ATP10B: variants seen among roughly 807,000 people sequenced by gnomAD.
The protein encoded by ATP10B is ATPase phospholipid transporting 10B (putative).
In ATP10B, 122 loss-of-function variants were observed where a neutral mutation model predicts 141.2. The ratio of observed to expected loss-of-function variants is 0.86; its 90% CI spans 0.75 to 1.00. The LOEUF (loss-of-function observed/expected upper bound fraction) is 1.00, where lower values mean the gene tolerates loss of function less well. Among genes scored for constraint, ATP10B ranks in the 50% least tolerant of loss-of-function variants. The pLI is 0.00. For synonymous variants in ATP10B, 685 were observed against 692.0 expected (o/e 0.99, Z 0.16); for missense variants, 1,876 against 1,825.3 (o/e 1.03, Z -0.51).
At chr5:160,843,516 A>G (rs993731313) in intron 1 of ATP10B, among the ~76,000 whole-genome samples, 5 of 152,230 alleles carry the variant, frequency 3.3e-5, no homozygotes, top group African/African-American at 1.2e-4. Flanking sequence ...ACAAAAAAAA[A>G]AAGCTGTTAA....
intron 3 of ATP10B, among the ~76,000 whole-genome samples, chr5:160,690,462 C>G (rs940873607): frequency 2.2e-4 from 34 of 152,282 alleles, no homozygotes; most frequent in African/African-American, 8.2e-4. Flanking sequence ...ATGCATCTGA[C>G]AAAGGGCTAA....
At chr5:160,813,763 A>T (rs4521524) in intron 1 of ATP10B, among the ~76,000 whole-genome samples, 51,727 of 152,034 alleles carry the variant, frequency 0.34, 9,823 homozygotes, top group East Asian at 0.44. Context: ...CTCACACGGC[A>T]GGGTACTCCT....
At chr5:160,919,615 C>T in the ATP10B span, among the ~76,000 whole-genome samples, 4 of 152,172 alleles carry the variant, frequency 2.6e-5, no homozygotes, top group African/African-American at 9.7e-5. Context: ...AAAGATGATT[C>T]TGATTGCTGT....
intron 1 of ATP10B, among the ~76,000 whole-genome samples, chr5:160,832,109 CAAT>C (rs1248339563): frequency 7.6e-6 from 1 of 131,804 alleles, no homozygotes; most frequent in Non-Finnish European, 1.8e-5. Context: ...AGCAGTATAG[CAAT>C]AATAATCATA....
At chr5:160,584,898 C>T (rs560365602) in intron 24 of ATP10B, among the ~76,000 whole-genome samples, 4 of 152,242 alleles carry the variant, frequency 2.6e-5, no homozygotes, top group African/African-American at 9.6e-5. Flanking sequence ...CCATTGTCTC[C>T]TGGCTTTTAT....
intron 1 of ATP10B, among the ~76,000 whole-genome samples, chr5:160,807,051 G>A (rs1643962887): frequency 6.6e-6 from 1 of 152,122 alleles, no homozygotes; most frequent in Non-Finnish European, 1.5e-5. Context: ...AGAGAATCTA[G>A]CAATAAATTA....
intron 1 of ATP10B, 44 bp from the exon 2 acceptor site, chr5:160,785,847 CATTTT>C (rs1771108587): frequency 3.2e-6 from 1 of 316,042 alleles, no homozygotes; most frequent in Non-Finnish European, 5.7e-6. Flanking sequence ...TATACAATCT[CATTTT>C]AGTATCAGCA....
chr5:160,923,907 A>C, the ATP10B span, among the ~76,000 whole-genome samples: 3 of 152,362 alleles, frequency 2.0e-5, no homozygotes, highest in South Asian at 6.2e-4. Flanking sequence ...AAAATGCAAC[A>C]GGATTGGTGT....
intron 22 of ATP10B, among the ~76,000 whole-genome samples, chr5:160,592,186 TG>T (rs1756351169): frequency 1.3e-5 from 2 of 152,168 alleles, no homozygotes; most frequent in Admixed American, 1.3e-4. Context: ...CTAAAGCACA[TG>T]TAATTTTGAG....
chr5:160,676,442 C>A (rs1449711102), intron 6 of ATP10B, among the ~76,000 whole-genome samples: 1 of 152,190 alleles, frequency 6.6e-6, no homozygotes, highest in Non-Finnish European at 1.5e-5. Context: ...CATGACGGTG[C>A]ACATCTTGTT....
chr5:160,585,730 C>G (rs1755840613), intron 24 of ATP10B, among the ~76,000 whole-genome samples: 1 of 152,172 alleles, frequency 6.6e-6, no homozygotes, highest in African/African-American at 2.4e-5. Flanking sequence ...TCTGCCCTAC[C>G]CCGCAGGAGC....
intron 2 of ATP10B, among the ~76,000 whole-genome samples, chr5:160,740,288 T>G (rs536809543): frequency 6.6e-6 from 1 of 152,328 alleles, no homozygotes; most frequent in Admixed American, 6.5e-5. Flanking sequence ...TCATTTAGGG[T>G]CCACTGTCAA....
chr5:160,928,415 G>T, the ATP10B span, among the ~76,000 whole-genome samples: 1 of 152,126 alleles, frequency 6.6e-6, no homozygotes, highest in African/African-American at 2.4e-5. Context: ...CTGGAGAAAG[G>T]CTATTTACAA....
intron 7 of ATP10B, among the ~76,000 whole-genome samples, chr5:160,656,084 A>G (rs1441220057): frequency 6.6e-6 from 1 of 152,214 alleles, no homozygotes; most frequent in East Asian, 1.9e-4. Context: ...GCTTGCCTCA[A>G]GTTTTACTTT....
chr5:160,564,207 C>A lies in ATP10B; in HGVS notation c.*1246G>T, dbSNP rs990855727. ...ACTAGCTTAAGGTGGCTCAGTAACC[C>A]TTTCTGGCTTATTTTACAAGACTAG... On this transcript the variant is annotated 3_prime_UTR_variant, in exon 26 of 26. Coordinates refer to ENST00000327245, the MANE Select transcript of ATP10B (RefSeq NM_025153.3). 2 of 152,156 alleles carry A rather than the reference C, an allele frequency of 1.3e-5. No homozygotes were observed. The highest frequency in any genetic ancestry group is 1.3e-4 in the Admixed American group (2 of 15,272). 9.4% of individuals were successfully genotyped at this position (152,156 alleles called of 1,614,324 possible).
At chr5:160,664,605 T>G (rs1447131448) in intron 7 of ATP10B, among the ~76,000 whole-genome samples, 1 of 152,218 alleles carries the variant, frequency 6.6e-6, no homozygotes, top group East Asian at 1.9e-4. Context: ...AGGATCCTGT[T>G]AAAATGCAGA....
chr5:160,597,380 A>T (rs1756782489), intron 22 of ATP10B, among the ~76,000 whole-genome samples: 1 of 152,176 alleles, frequency 6.6e-6, no homozygotes, highest in Non-Finnish European at 1.5e-5. Context: ...CTTACACCTT[A>T]TACAAAAATT....
chr5:160,607,094 G>A lies in ATP10B; in HGVS notation c.2839-8C>T, dbSNP rs1434951111. 1 of 1,608,118 alleles carries A rather than the reference G, an allele frequency of 6.2e-7. No homozygotes were observed. Among genetic ancestry groups the A allele is most frequent in the Admixed American group, 1.7e-5 (1 of 59,616 alleles). On this transcript the variant is annotated splice_polypyrimidine_tract_variant and splice_region_variant and intron_variant, in intron 18 of 25. Transcript: ENST00000327245. ...GATGGATTCACAGGTCTCCTATAAA[G>A]AAGCATAATAATACAGTATTTGTAA... is the stretch of plus-strand genomic sequence containing the variant.
the ATP10B span, among the ~76,000 whole-genome samples, chr5:160,921,077 C>T: frequency 1.3e-5 from 2 of 152,186 alleles, no homozygotes; most frequent in Non-Finnish European, 2.9e-5. Context: ...GCTATGGTCC[C>T]AGACACTAGA....
Sources: allele counts gnomAD v4.1 joint callset (sites outside exome capture counted in the v4.1 genomes callset), GRCh38; gene constraint gnomAD v4.1.1; transcripts MANE v1.5; gene names NCBI Gene and HGNC (gene_info 2026-07-23, HGNC 2026-07-21).